The following KIAA0586 variants were observed in gnomAD, a reference collection of about 807,000 sequenced individuals.
The protein encoded by KIAA0586 is KIAA0586.
Under a neutral mutation model 169.8 loss-of-function variants are expected in KIAA0586, and 144 were observed. The ratio of observed to expected loss-of-function variants is 0.85; its 90% CI spans 0.74 to 0.97. The LOEUF (loss-of-function observed/expected upper bound fraction) is 0.97. Ranked by LOEUF, KIAA0586 falls within the 50% of genes least tolerant of loss-of-function variation. The pLI is 0.00. For synonymous variants in KIAA0586, 625 were observed against 612.4 expected (o/e 1.02, Z -0.30); for missense variants, 1,854 against 1,823.0 (o/e 1.02, Z -0.31).
intron 6 of KIAA0586, among the ~76,000 whole-genome samples, chr14:58,445,457 G>A (rs750062436): frequency 2.7e-5 from 4 of 146,692 alleles, no homozygotes; most frequent in East Asian, 4.0e-4. Flanking sequence ...TTTTTGAGAC[G>A]GAGTCTAACT....
intron 29 of KIAA0586, among the ~76,000 whole-genome samples, chr14:58,525,515 G>A (rs138692584): frequency 6.6e-6 from 1 of 152,198 alleles, no homozygotes; most frequent in African/African-American, 2.4e-5. Flanking sequence ...CGTGAGAAAC[G>A]GTGCATTCCG....
At chr14:58,473,707 A>G (rs1595262494) in intron 18 of KIAA0586, among the ~76,000 whole-genome samples, 1 of 152,148 alleles carries the variant, frequency 6.6e-6, no homozygotes, top group Admixed American at 6.5e-5. Flanking sequence ...GGAGTTCAGG[A>G]CCAGCCTGGC....
At chr14:58,445,555 A>G (rs188431629) in intron 6 of KIAA0586, among the ~76,000 whole-genome samples, 41 of 150,644 alleles carry the variant, frequency 2.7e-4, no homozygotes, top group African/African-American at 1.0e-3. Flanking sequence ...TGCTTCAGCT[A>G]CCCGAGTAGC....
rs869127762 is a variant in KIAA0586 at position 58,444,915 on chromosome 14, GA to G, written c.807+767del. Among the ~76,000 whole-genome samples the G allele has an allele frequency of 5.8e-3, 648 of 111,950 alleles. 43 individuals are homozygous for G. The highest frequency in any genetic ancestry group is 0.015 in the Middle Eastern group (3 of 202). 73.4% of individuals were successfully genotyped at this position (111,950 alleles called of 152,430 possible). On this transcript the variant is annotated intron_variant, in intron 6 of 30. Transcript: ENST00000652326. ...GATGTAGCAAGACCTCATCTCTTAG[GA>G]AAAAAAAAAAAAAAAAAAAAAAAAA...
chr14:58,450,167 A>G (rs570785278), intron 7 of KIAA0586, among the ~76,000 whole-genome samples: 23 of 152,310 alleles, frequency 1.5e-4, no homozygotes, highest in Non-Finnish European at 2.6e-4. Context: ...TGTAATAAAC[A>G]TCATATTTAA....
downstream of KIAA0586, among the ~76,000 whole-genome samples, chr14:58,555,849 A>G (rs1302000023): frequency 6.6e-6 from 1 of 152,132 alleles, no homozygotes; most frequent in East Asian, 1.9e-4. Flanking sequence ...AATTGAGACA[A>G]TTTTCCTTCC....
chr14:58,468,823 T>G (rs1177473332), intron 16 of KIAA0586, among the ~76,000 whole-genome samples: 1 of 152,240 alleles, frequency 6.6e-6, no homozygotes, highest in Admixed American at 6.5e-5. Context: ...CCATCCTTGC[T>G]TACTTACAAA....
At chr14:58,466,857 A>G (rs774333063) in intron 15 of KIAA0586, among the ~76,000 whole-genome samples, 13 of 152,186 alleles carry the variant, frequency 8.5e-5, no homozygotes, top group Non-Finnish European at 1.3e-4. Flanking sequence ...GAACTAGGCT[A>G]TCATAAGTGA....
intron 18 of KIAA0586, among the ~76,000 whole-genome samples, chr14:58,473,770 G>A (rs1223844854): frequency 6.6e-6 from 1 of 152,092 alleles, no homozygotes; most frequent in Non-Finnish European, 1.5e-5. Context: ...GCTAGGCATA[G>A]TGGTGGGCGC....
intron 29 of KIAA0586, among the ~76,000 whole-genome samples, chr14:58,529,994 G>A (rs1050283097): frequency 6.6e-6 from 1 of 152,190 alleles, no homozygotes; most frequent in Non-Finnish European, 1.5e-5. Context: ...AAGCTGATAA[G>A]CAACTTCAGC....
chr14:58,461,696 A>G (rs1327744028), intron 14 of KIAA0586, among the ~76,000 whole-genome samples: 2 of 152,210 alleles, frequency 1.3e-5, no homozygotes, highest in African/African-American at 4.8e-5. Context: ...CTAGGAAAGT[A>G]GACATTTTCC....
intron 26 of KIAA0586, among the ~76,000 whole-genome samples, chr14:58,497,689 A>G (rs996241452): frequency 1.1e-4 from 16 of 151,942 alleles, no homozygotes; most frequent in Non-Finnish European, 1.5e-5. Flanking sequence ...TATTATTGAT[A>G]TATGGGGTAA....
intron 29 of KIAA0586, among the ~76,000 whole-genome samples, chr14:58,517,466 T>C (rs2044847145): frequency 6.6e-6 from 1 of 152,194 alleles, no homozygotes; most frequent in South Asian, 2.1e-4. Flanking sequence ...AGGAAACTGA[T>C]ACTACCATGT....
At chr14:58,447,765 G>A (rs1298237946) in intron 6 of KIAA0586, among the ~76,000 whole-genome samples, 1 of 152,150 alleles carries the variant, frequency 6.6e-6, no homozygotes, top group Non-Finnish European at 1.5e-5. Context: ...ACAGGCTTGA[G>A]CCACTGCACC....
At chr14:58,538,615 A>G (rs2046447909) in intron 29 of KIAA0586, among the ~76,000 whole-genome samples, 1 of 151,178 alleles carries the variant, frequency 6.6e-6, no homozygotes, top group Non-Finnish European at 1.5e-5. Flanking sequence ...CAATTAAATT[A>G]TTTTTTACTA....
intron 27 of KIAA0586, among the ~76,000 whole-genome samples, chr14:58,499,543 C>T (rs1338511000): frequency 2.0e-5 from 3 of 149,924 alleles, no homozygotes; most frequent in Non-Finnish European, 4.4e-5. Context: ...TGAGCCACCG[C>T]GCCTAGCCTA....
chr14:58,506,150 C>A (rs1346377210), intron 27 of KIAA0586, among the ~76,000 whole-genome samples: 2 of 151,982 alleles, frequency 1.3e-5, no homozygotes, highest in East Asian at 1.9e-4. Flanking sequence ...ATATGTAATT[C>A]TTTTCTCTTA....
intron 25 of KIAA0586, among the ~76,000 whole-genome samples, chr14:58,490,467 T>C (rs2042766194): frequency 6.6e-6 from 1 of 152,158 alleles, no homozygotes; most frequent in Non-Finnish European, 1.5e-5. Flanking sequence ...AGTAAAAAAA[T>C]ATACATTTAA....
At chr14:58,510,480 C>T (rs1388860055) in intron 28 of KIAA0586, among the ~76,000 whole-genome samples, 1 of 152,190 alleles carries the variant, frequency 6.6e-6, no homozygotes, top group Non-Finnish European at 1.5e-5. Context: ...AAAAGGCGGT[C>T]ATGCCAAGTG....
Sources: allele counts gnomAD v4.1 joint callset (sites outside exome capture counted in the v4.1 genomes callset), GRCh38; gene constraint gnomAD v4.1.1; transcripts MANE v1.5; gene names NCBI Gene and HGNC (gene_info 2026-07-23, HGNC 2026-07-21).